PRR35: variants seen among roughly 807,000 people sequenced by gnomAD.
PRR35 encodes proline rich 35.
Under a neutral mutation model 18.6 loss-of-function variants are expected in PRR35, and 14 were observed. The ratio of observed to expected loss-of-function variants is 0.75; its 90% CI spans 0.50 to 1.18. PRR35 has a LOEUF of 1.18. Ranked by LOEUF, PRR35 falls within the 50% of genes most tolerant of loss-of-function variation. PRR35 has a pLI of 0.00. For synonymous variants in PRR35, 425 were observed against 378.2 expected (o/e 1.12, Z -1.43); for missense variants, 832 against 792.2 (o/e 1.05, Z -0.60).
At chr16:561,532 C>T (rs539729326) in intron 1 of PRR35, among the ~76,000 whole-genome samples, 1 of 152,336 alleles carries the variant, frequency 6.6e-6, no homozygotes, top group East Asian at 1.9e-4. Context: ...CGGGGAGCCC[C>T]AGGACCTCTC....
chr16:563,864 TC>T lies in PRR35; in HGVS notation c.575del (p.Pro192ArgfsTer111). On this transcript the variant is annotated frameshift_variant, in exon 2 of 3. Transcript: ENST00000409413. LOFTEE classifies it high-confidence loss of function. The part of the protein sequence containing the change: ...AGPEGSVPCY[P>X]PPAPGEFPEA... Reference sequence around the variant, plus strand: ...GCCCTGAGGGCAGCGTCCCCTGCTATCCCCCGCCTGCCCCAGGGGAGTTCCC... The same window carrying T: ...GCCCTGAGGGCAGCGTCCCCTGCTATCCCCGCCTGCCCCAGGGGAGTTCCC... The T allele has an allele frequency of 6.4e-7, 1 of 1,550,820 alleles. No homozygotes were observed. The highest frequency in any genetic ancestry group is 1.2e-5 in the South Asian group (1 of 83,960).
chr16:559,881 CGGCTCCGCT>C, upstream of PRR35: 1 of 489,254 alleles, frequency 2.0e-6, no homozygotes, highest in South Asian at 8.7e-5. Flanking sequence ...GAAGGGAGCC[CGGCTCCGCT>C]GGCTCAGTCC....
chr16:561,487 C>A (rs1354901747), intron 1 of PRR35, among the ~76,000 whole-genome samples: 1 of 152,170 alleles, frequency 6.6e-6, no homozygotes, highest in African/African-American at 2.4e-5. Context: ...CGCCTCTGCA[C>A]CCACCACCCA....
intron 1 of PRR35, among the ~76,000 whole-genome samples, chr16:562,901 G>A (rs559072171): frequency 3.5e-4 from 53 of 152,294 alleles, no homozygotes; most frequent in African/African-American, 1.2e-3. Context: ...AATAAAGGAC[G>A]CCTAGTTAAA....
chr16:560,728 G>C, intron 1 of PRR35, 67 bp downstream of exon 1: 1 of 961,174 alleles, frequency 1.0e-6, no homozygotes, highest in Non-Finnish European at 1.2e-6. Flanking sequence ...CGCGGGGCGC[G>C]GGGGCAGCGG....
chr16:563,227 C>A, intron 1 of PRR35, 29 bp from the exon 2 acceptor site: 1 of 1,493,826 alleles, frequency 6.7e-7, no homozygotes, highest in Non-Finnish European at 8.9e-7. Context: ...CAGAGGCAGG[C>A]TTGGCACTGA....
Position 565,214 on chromosome 16 carries a change from T to C in PRR35, c.1623T>C (p.Pro541=), listed in dbSNP as rs1205496810. 16 of 1,609,978 alleles carry C rather than the reference T, an allele frequency of 9.9e-6. No homozygotes were observed. The highest frequency in any genetic ancestry group is 1.4e-5 in the Non-Finnish European group (16 of 1,178,688). ...CAGCCCCAGATGACCCTGTCATTCC[T>C]GGCAGTGGCTGGGGCACCTGTGTTG... is the stretch of plus-strand genomic sequence containing the variant. ...PLAAPDDPVI[P]GSGWGTCVAT... The change falls in exon 3 of 3, where the codon CCT becomes CCC. Residue 541 remains proline (P), a synonymous_variant. Transcript: ENST00000409413.
At chr16:561,007 T>TGG (rs551802494) in intron 1 of PRR35, among the ~76,000 whole-genome samples, 2,452 of 148,634 alleles carry the variant, frequency 0.016, 26 homozygotes, top group Non-Finnish European at 0.021. Context: ...TCCTGCCCTG[T>TGG]GGGGGTGCCT....
At position 563,281 on chromosome 16, in the gene PRR35, C is replaced by T. The variant is rs761503007; in HGVS notation, c.-14C>T. The T allele has an allele frequency of 1.1e-5, 18 of 1,593,712 alleles. No individual in the cohort carries two copies. The highest frequency in any genetic ancestry group is 1.1e-4 in the South Asian group (10 of 89,320). ...GTGGCCATGGTGCCCGGCCCTGCCT[C>T]ATAGCAGGCTGCCATGTCGCGGGAG... On this transcript the variant is annotated 5_prime_UTR_variant, in exon 2 of 3. Coordinates refer to ENST00000409413, the MANE Select transcript of PRR35 (RefSeq NM_145270.3).
chr16:560,943 G>GCT lies in PRR35; in HGVS notation c.-40+282_-40+283insCT, dbSNP rs1567168017. ...GGGCGCCCTGCGTTCCCGGGGGGGG[G>GCT]GGCAGCAGGATCTGCGGGTGGCCGA... On this transcript the variant is annotated intron_variant, in intron 1 of 2. Transcript: ENST00000409413. Among the ~76,000 whole-genome samples the GCT allele has an allele frequency of 2.6e-5, 4 of 151,692 alleles. No individual in the cohort carries two copies. The East Asian group carries it at 7.8e-4, about 30-fold the overall frequency.
upstream of PRR35, chr16:560,362 G>T (rs1305374172): frequency 1.0e-6 from 1 of 973,870 alleles, no homozygotes; most frequent in African/African-American, 1.8e-5. Flanking sequence ...GGAGCCCGGA[G>T]CCCAGGCGCA....
chr16:564,901 G>T lies in PRR35; in HGVS notation c.1310G>T (p.Arg437Leu), dbSNP rs748829767. The T allele has an allele frequency of 8.2e-6, 13 of 1,591,134 alleles. No individual in the cohort carries two copies. Among genetic ancestry groups the T allele is most frequent in the East Asian group, 2.3e-5 (1 of 44,102 alleles). Residue 437 changes from arginine to leucine, a missense_variant, in exon 3 of 3, where the codon CGG (arginine) becomes CTG (leucine). Physicochemically the swap from Arg to Leu is moderately radical, Grantham distance 102 (BLOSUM62 -2). Around this residue, in one of 3 missense-constraint regions of PRR35, gnomAD observed 768 missense variants for 704.1 expected, o/e 1.09. Coordinates refer to ENST00000409413, the MANE Select transcript of PRR35 (RefSeq NM_145270.3). ...GGGGGCCTGGCCCCGAGACCCCTGC[G>T]GGAGCAGCTGGGCAAGATCCGCCTG... ...PAGGLAPRPLREQLGKIRLEL... is the reference protein window; with the variant it reads ...PAGGLAPRPLLEQLGKIRLEL...
At chr16:562,339 T>G (rs912519980) in intron 1 of PRR35, among the ~76,000 whole-genome samples, 1 of 152,144 alleles carries the variant, frequency 6.6e-6, no homozygotes, top group Non-Finnish European at 1.5e-5. Context: ...TGGCCCCACA[T>G]GAGACTGACC....
chr16:562,591 A>G (rs955220703), intron 1 of PRR35, among the ~76,000 whole-genome samples: 7 of 83,578 alleles, frequency 8.4e-5, no homozygotes, highest in African/African-American at 2.3e-4. Context: ...ACATGCACAC[A>G]CACAGACACA....
chr16:564,501 C>G, intron 2 of PRR35, 125 bp downstream of exon 2: 3 of 1,439,378 alleles, frequency 2.1e-6, no homozygotes, highest in Non-Finnish European at 2.8e-6. Context: ...AAAGTGGGCT[C>G]CAGGCCACAG....
intron 1 of PRR35, among the ~76,000 whole-genome samples, chr16:562,730 A>C (rs1301220424): frequency 6.6e-6 from 1 of 152,196 alleles, no homozygotes; most frequent in Non-Finnish European, 1.5e-5. Context: ...AGGGAATGAG[A>C]CCAGGAGGCT....
intron 2 of PRR35, 144 bp from the exon 3 acceptor site, chr16:564,529 AG>A: frequency 7.1e-7 from 1 of 1,404,276 alleles, no homozygotes; most frequent in Non-Finnish European, 9.4e-7. Flanking sequence ...CTGAGACCCG[AG>A]AGCCAGCGCG....
At position 563,707 on chromosome 16, in the gene PRR35, C is replaced by CAGGGCCACCACCCCCTGTGGCT; in HGVS notation, c.423_444dup (p.Arg149ThrfsTer5). 6.5e-7 allele frequency: 1 copy of CAGGGCCACCACCCCCTGTGGCT among 1,549,960 alleles called. No individual in the cohort carries two copies. Among genetic ancestry groups the CAGGGCCACCACCCCCTGTGGCT allele is most frequent in the Non-Finnish European group, 8.7e-7 (1 of 1,152,648 alleles). On this transcript the variant is annotated frameshift_variant, in exon 2 of 3. Transcript: ENST00000409413. LOFTEE classifies it high-confidence loss of function. ...CCCAAGTCCAGGGCCAAGGGGTCCCCAGGGCCACCACCCCCTGTGGCTAGG... is the reference window on the plus strand; with the variant it reads ...CCCAAGTCCAGGGCCAAGGGGTCCCCAGGGCCACCACCCCCTGTGGCTAGGGCCACCACCCCCTGTGGCTAGG...
rs376322578 is a variant in PRR35, at chr16:563,335, C to T, written c.41C>T (p.Ala14Val). 7 of 1,611,478 alleles carry T rather than the reference C, an allele frequency of 4.3e-6. No homozygotes were observed. Among genetic ancestry groups the T allele is most frequent in the South Asian group, 1.1e-5 (1 of 91,050 alleles). The change falls in exon 2 of 3, where the codon GCG becomes GTG. Residue 14 changes from alanine (A) to valine (V), a missense_variant. Ala to Val is a moderately conservative substitution (Grantham distance 64, BLOSUM62 0). This residue lies in a region of PRR35 where 56 missense variants were observed against 64.8 expected (regional missense o/e 0.86). Coordinates refer to ENST00000409413, the MANE Select transcript of PRR35 (RefSeq NM_145270.3). ...GGCTCATGCCGCGTGGGCACAGGGG[C>T]GAGGGCGCGGTCTCGGAAGCCCAAG... ...EAGSCRVGTG[A>V]RARSRKPKKP...
Sources: allele counts gnomAD v4.1 joint callset (sites outside exome capture counted in the v4.1 genomes callset), GRCh38; gene constraint gnomAD v4.1.1; regional missense constraint gnomAD v4.1.1; transcripts MANE v1.5; gene names NCBI Gene and HGNC (gene_info 2026-07-23, HGNC 2026-07-21).